Variants in CDC14A observed in about 807,000 individuals in gnomAD.
CDC14A encodes dual specificity protein phosphatase CDC14A.
A neutral mutation model predicts 74.4 loss-of-function variants in CDC14A; 53 were observed. The ratio of observed to expected loss-of-function variants is 0.71; its 90% confidence interval spans 0.57 to 0.89. CDC14A has a LOEUF of 0.89. Among genes scored for constraint, CDC14A ranks in the 40% least tolerant of loss-of-function variants. The pLI is 0.00. For synonymous variants in CDC14A, 247 were observed against 258.4 expected, an observed-to-expected ratio of 0.96 and a Z score of 0.43; for missense variants, 646 against 713.7, an observed-to-expected ratio of 0.91 and a Z score of 1.08.
intron 4 of CDC14A, among the ~76,000 whole-genome samples, chr1:100,412,738 T>TATA (rs1491428571): frequency 4.1e-5 from 4 of 97,360 alleles, no homozygotes; most frequent in African/African-American, 2.7e-4. Context: ...TATATATATA[T>TATA]TTTATATATA....
rs763848305 is a variant in CDC14A at position 100,496,098 on chromosome 1, CT to C, written c.1298+53del. 1.3e-5 allele frequency: 19 copies of C among 1,485,506 alleles called. No individual in the cohort carries two copies. The African/African-American group carries it at 1.9e-4, about 15-fold the overall frequency. 92.0% of individuals were successfully genotyped at this position (1,485,506 alleles called of 1,614,324 possible). ...CTAGTAGCTTGTAAATATATGCTTC[CT>C]TTTAGCCATGTTTCCCAAGCCTCAA... On this transcript the variant is annotated intron_variant, in intron 13 of 15. Coordinates refer to ENST00000336454, the MANE Select transcript of CDC14A (RefSeq NM_003672.4).
chr1:100,410,664 G>A (rs1440687257), intron 4 of CDC14A, among the ~76,000 whole-genome samples: 1 of 152,184 alleles, frequency 6.6e-6, no homozygotes, highest in Middle Eastern at 3.2e-3. Flanking sequence ...GAATATCCTG[G>A]CATTGGGCTG....
chr1:100,408,050 T>C (rs1660179182), intron 4 of CDC14A, among the ~76,000 whole-genome samples: 1 of 152,198 alleles, frequency 6.6e-6, no homozygotes, highest in Admixed American at 6.5e-5. Context: ...TTATTTTTTC[T>C]GTTCCTCTCC....
chr1:100,437,947 G>C (rs912276965), intron 5 of CDC14A, among the ~76,000 whole-genome samples: 4 of 151,680 alleles, frequency 2.6e-5, no homozygotes, highest in Admixed American at 2.0e-4. Context: ...TTAATCTAGG[G>C]TCTGTGGAAG....
intron 11 of CDC14A, among the ~76,000 whole-genome samples, chr1:100,487,431 A>C (rs762600676): frequency 2.0e-5 from 3 of 152,054 alleles, no homozygotes; most frequent in Non-Finnish European, 4.4e-5. Context: ...GTGTGATGGC[A>C]CATGCCTGTA....
chr1:100,482,657 C>G (rs1281943764), intron 10 of CDC14A, among the ~76,000 whole-genome samples: 1 of 152,098 alleles, frequency 6.6e-6, no homozygotes, highest in Non-Finnish European at 1.5e-5. Context: ...GTCTTTCATC[C>G]TTATATCCTG....
intron 11 of CDC14A, chr1:100,485,910 G>A (rs572580988): frequency 6.6e-6 from 1 of 152,306 alleles, no homozygotes; most frequent in East Asian, 1.9e-4. Flanking sequence ...AGGTGACTAA[G>A]TTTACCCATT....
At chr1:100,388,590 A>G (rs925707481) in intron 3 of CDC14A, among the ~76,000 whole-genome samples, 32 of 152,130 alleles carry the variant, frequency 2.1e-4, no homozygotes, top group East Asian at 3.9e-4. Context: ...GTCAAATACT[A>G]ATTTTTTTTG....
upstream of CDC14A, among the ~76,000 whole-genome samples, chr1:100,350,343 T>C (rs1650838333): frequency 6.6e-6 from 1 of 152,260 alleles, no homozygotes; most frequent in Non-Finnish European, 1.5e-5. Context: ...TCCGCAGGCC[T>C]TGGCCTCCCA....
At chr1:100,469,842 A>G (rs897357835) in intron 10 of CDC14A, among the ~76,000 whole-genome samples, 68 of 152,150 alleles carry the variant, frequency 4.5e-4, no homozygotes, top group African/African-American at 1.6e-3. Flanking sequence ...CAACCTCCCT[A>G]TTATACTCTT....
chr1:100,372,445 T>C (rs1014357763), intron 2 of CDC14A, among the ~76,000 whole-genome samples: 1 of 152,246 alleles, frequency 6.6e-6, no homozygotes, highest in Non-Finnish European at 1.5e-5. Flanking sequence ...ACTAAGTATG[T>C]GTAACATTCT....
chr1:100,454,684 C>T (rs28364870), intron 7 of CDC14A, among the ~76,000 whole-genome samples: 45,541 of 152,056 alleles, frequency 0.3, 9,745 homozygotes, highest in African/African-American at 0.61. Flanking sequence ...AGTTAAAAAC[C>T]TAATTTAAAA....
At chr1:100,421,453 A>T (rs1291992834) in intron 4 of CDC14A, among the ~76,000 whole-genome samples, 2 of 152,210 alleles carry the variant, frequency 1.3e-5, no homozygotes, top group Admixed American at 1.3e-4. Flanking sequence ...CATTTAAAAA[A>T]CAGATTTGTG....
chr1:100,396,818 G>A (rs939211821), intron 4 of CDC14A, among the ~76,000 whole-genome samples: 1 of 152,016 alleles, frequency 6.6e-6, no homozygotes, highest in Non-Finnish European at 1.5e-5. Flanking sequence ...TGGCACTTTT[G>A]GTTTCTCTGT....
At chr1:100,406,932 A>G (rs79881183) in intron 4 of CDC14A, among the ~76,000 whole-genome samples, 2 of 143,142 alleles carry the variant, frequency 1.4e-5, no homozygotes, top group Non-Finnish European at 3.1e-5. Flanking sequence ...GTCTCAAATA[A>G]AAAAAAAAAA....
intron 4 of CDC14A, among the ~76,000 whole-genome samples, chr1:100,422,562 T>G (rs755061703): frequency 2.6e-5 from 4 of 152,190 alleles, no homozygotes; most frequent in Non-Finnish European, 5.9e-5. Flanking sequence ...TTAGAGCTAG[T>G]GTTGGTTTAA....
chr1:100,388,963 C>T (rs938943883), intron 3 of CDC14A, among the ~76,000 whole-genome samples: 6 of 152,018 alleles, frequency 3.9e-5, no homozygotes, highest in Admixed American at 1.3e-4. Context: ...TCACTTAAGC[C>T]CAGGAGTTCG....
chr1:100,468,937 TTTG>T, intron 10 of CDC14A, among the ~76,000 whole-genome samples: 2 of 152,144 alleles, frequency 1.3e-5, no homozygotes, highest in Non-Finnish European at 2.9e-5. Flanking sequence ...TTTTTTATTT[TTTG>T]TAGAGACGGG....
At chr1:100,352,019 C>A (rs1651093706), upstream of CDC14A, among the ~76,000 whole-genome samples, 1 of 150,678 alleles carries the variant, frequency 6.6e-6, no homozygotes, top group Non-Finnish European at 1.5e-5. Context: ...CGCGCGCGCC[C>A]TACAAGAGTT....
Sources: allele counts gnomAD v4.1 joint callset (sites outside exome capture counted in the v4.1 genomes callset), GRCh38; gene constraint gnomAD v4.1.1; transcripts MANE v1.5; gene names NCBI Gene and HGNC (gene_info 2026-07-23, HGNC 2026-07-21).